PRDM5: variants seen among roughly 807,000 people sequenced by gnomAD.
PRDM5 encodes PR domain zinc finger protein 5.
PRDM5 carries 56 observed loss-of-function variants against 81.2 expected under a neutral mutation model. The ratio of observed to expected loss-of-function variants is 0.69; its 90% CI spans 0.56 to 0.86. The LOEUF (loss-of-function observed/expected upper bound fraction) is 0.86, where lower values mean the gene tolerates loss of function less well. PRDM5 is among the 40% of genes least tolerant of loss of function. The pLI is 0.00. For missense variants in PRDM5, 697 were observed against 770.1 expected (o/e 0.91, Z 1.12); for synonymous variants, 267 against 256.4 (o/e 1.04, Z -0.39).
intron 15 of PRDM5, among the ~76,000 whole-genome samples, chr4:120,701,310 G>T (rs1735325195): frequency 6.6e-6 from 1 of 152,138 alleles, no homozygotes; most frequent in Non-Finnish European, 1.5e-5. Context: ...ATTCGATCTA[G>T]TAATCCCATT....
At chr4:120,766,264 T>C (rs371422810) in intron 13 of PRDM5, among the ~76,000 whole-genome samples, 5 of 152,336 alleles carry the variant, frequency 3.3e-5, no homozygotes, top group African/African-American at 9.6e-5. Flanking sequence ...CAGCTGGGAC[T>C]ATTATTATTC....
At chr4:120,845,009 C>G (rs924731024) in intron 3 of PRDM5, among the ~76,000 whole-genome samples, 4 of 152,192 alleles carry the variant, frequency 2.6e-5, no homozygotes, top group African/African-American at 9.7e-5. Context: ...AAAGCCCAAA[C>G]CAGAGCAACT....
At position 120,754,657 on chromosome 4, in the gene PRDM5, T is replaced by C. The variant is rs372867152; in HGVS notation, c.1538-19A>G. On this transcript the variant is annotated intron_variant, in intron 13 of 15. Transcript: ENST00000264808. The stretch of plus-strand genomic sequence containing the variant: ...CGCTCACCTACAAATAAAGGAAGCC[T>C]CCATGTCAGAAAAACATGAAGTAGC... 6.6e-7 allele frequency: 1 copy of C among 1,523,172 alleles called. No homozygotes were observed. Among genetic ancestry groups the C allele is most frequent in the Non-Finnish European group, 9.1e-7 (1 of 1,099,038 alleles). The allele number at this position is 1,523,172 out of a possible 1,614,324, so 94.4% of individuals were successfully genotyped here.
At chr4:120,684,447 G>C (rs1733764178), downstream of PRDM5, among the ~76,000 whole-genome samples, 2 of 151,854 alleles carry the variant, frequency 1.3e-5, no homozygotes, top group African/African-American at 4.8e-5. Flanking sequence ...ACGATAGCAA[G>C]ACTAAAGAGA....
chr4:120,774,241 C>G (rs1747726347), intron 13 of PRDM5, among the ~76,000 whole-genome samples: 1 of 152,156 alleles, frequency 6.6e-6, no homozygotes, highest in Non-Finnish European at 1.5e-5. Context: ...ACTCATGGTC[C>G]TCGCCACTTC....
At chr4:120,695,342 A>T in intron 15 of PRDM5, 67 bp from the exon 16 acceptor site, 1 of 1,543,438 alleles carries the variant, frequency 6.5e-7, no homozygotes, top group Non-Finnish European at 8.9e-7. Context: ...AAAATTTAAC[A>T]CTCACACTAT....
intron 13 of PRDM5, among the ~76,000 whole-genome samples, chr4:120,772,081 G>A (rs1747374284): frequency 6.6e-6 from 1 of 152,124 alleles, no homozygotes; most frequent in African/African-American, 2.4e-5. Flanking sequence ...CTGTCCCAAA[G>A]CCCCTGCTCT....
chr4:120,742,370 G>A (rs375471460), intron 14 of PRDM5, among the ~76,000 whole-genome samples: 6 of 152,294 alleles, frequency 3.9e-5, no homozygotes, highest in South Asian at 2.1e-4. Context: ...AAAGCAGAGC[G>A]CCTCTCCTCC....
chr4:120,782,636 T>A lies in PRDM5; in HGVS notation c.1283-1333A>T, dbSNP rs1413128055. On this transcript the variant is annotated intron_variant, in intron 11 of 15. Transcript: ENST00000264808. ...TATGTGGATTCTGAGAGCTTGGTTT[T>A]TTGTGTGTTTTTGTTGCAGAGTATT... is the stretch of plus-strand genomic sequence containing the variant. Among the ~76,000 whole-genome samples the A allele has an allele frequency of 4.6e-5, 7 of 152,158 alleles. No individual in the cohort carries two copies. In the South Asian group the frequency reaches 1.4e-3, roughly 31 times the overall value.
In PRDM5 at chr4:120,799,759, A is replaced by C; in HGVS notation, c.946-14T>G. On this transcript the variant is annotated splice_polypyrimidine_tract_variant and intron_variant, in intron 8 of 15. Transcript: ENST00000264808. ...TATCTCATGAATCTGCAAAAGGTTA[A>C]ATAGACAGTTAAATCAACTGTCAAA... is the stretch of plus-strand genomic sequence containing the variant. 2 of 1,610,216 alleles carry C rather than the reference A, an allele frequency of 1.2e-6. No homozygotes were observed. Among genetic ancestry groups the C allele is most frequent in the Non-Finnish European group, 1.7e-6 (2 of 1,177,978 alleles).
intron 1 of PRDM5, among the ~76,000 whole-genome samples, chr4:120,912,582 T>C: frequency 6.6e-6 from 1 of 152,180 alleles, no homozygotes; most frequent in Admixed American, 6.5e-5. Context: ...GGTTCAAAAA[T>C]AAATAGCTAT....
intron 3 of PRDM5, among the ~76,000 whole-genome samples, chr4:120,845,558 G>T (rs988679101): frequency 6.6e-6 from 1 of 152,172 alleles, no homozygotes; most frequent in African/African-American, 2.4e-5. Flanking sequence ...GAAAACTACT[G>T]CTCATTTGAG....
intron 13 of PRDM5, among the ~76,000 whole-genome samples, chr4:120,772,201 T>A (rs1747394958): frequency 6.6e-6 from 1 of 152,148 alleles, no homozygotes; most frequent in South Asian, 2.1e-4. Context: ...AGTTATTTAA[T>A]CTCATGAGAA....
At chr4:120,831,871 A>G (rs530513347) in intron 3 of PRDM5, among the ~76,000 whole-genome samples, 4 of 152,148 alleles carry the variant, frequency 2.6e-5, no homozygotes, top group Non-Finnish European at 2.9e-5. Flanking sequence ...ATGATCCCAT[A>G]CTGGGGCCAA....
At chr4:120,779,122 G>T (rs1322782725) in intron 12 of PRDM5, among the ~76,000 whole-genome samples, 1 of 151,858 alleles carries the variant, frequency 6.6e-6, no homozygotes, top group Non-Finnish European at 1.5e-5. Flanking sequence ...CCAAACTGAA[G>T]AAGTTCCAAA....
At chr4:120,735,767 A>G (rs955465604) in intron 14 of PRDM5, among the ~76,000 whole-genome samples, 2 of 152,138 alleles carry the variant, frequency 1.3e-5, no homozygotes, top group African/African-American at 4.8e-5. Context: ...TCTCTGCCCA[A>G]AATCACCTGG....
intron 13 of PRDM5, among the ~76,000 whole-genome samples, chr4:120,769,395 G>T (rs62325578): frequency 6.6e-6 from 1 of 152,058 alleles, no homozygotes; most frequent in Admixed American, 6.5e-5. Context: ...GTAGGGGACA[G>T]GTCAGGGAAC....
intron 2 of PRDM5, among the ~76,000 whole-genome samples, chr4:120,890,179 G>A (rs868737892): frequency 6.4e-4 from 98 of 152,240 alleles, no homozygotes; most frequent in African/African-American, 2.2e-3. Flanking sequence ...TTAGCTTCTG[G>A]GGAGGCCTCA....
At chr4:120,828,515 T>G (rs1205475227) in intron 3 of PRDM5, among the ~76,000 whole-genome samples, 1 of 152,132 alleles carries the variant, frequency 6.6e-6, no homozygotes, top group Non-Finnish European at 1.5e-5. Context: ...GAAGTAGAAT[T>G]AGTTATCAAA....
Sources: allele counts gnomAD v4.1 joint callset (sites outside exome capture counted in the v4.1 genomes callset), GRCh38; gene constraint gnomAD v4.1.1; transcripts MANE v1.5; gene names NCBI Gene and HGNC (gene_info 2026-07-23, HGNC 2026-07-21).